The following PAQR5 variants were observed in gnomAD, a reference collection of about 807,000 sequenced individuals.
PAQR5 encodes membrane progestin receptor gamma.
In PAQR5, 20 loss-of-function variants were observed where a neutral mutation model predicts 34.5. That is an observed-to-expected ratio of 0.58 (90% confidence interval 0.41 to 0.84). The LOEUF is 0.84. Ranked by LOEUF, PAQR5 falls within the 40% of genes least tolerant of loss-of-function variation. The pLI is 0.00. For synonymous variants in PAQR5, 131 were observed against 155.6 expected (o/e 0.84, Z 1.18); for missense variants, 378 against 412.7 (o/e 0.92, Z 0.73).
intron 3 of PAQR5, among the ~76,000 whole-genome samples, chr15:69,372,826 A>G (rs2055599610): frequency 6.6e-6 from 1 of 152,260 alleles, no homozygotes; most frequent in South Asian, 2.1e-4. Flanking sequence ...GTACTTCTGG[A>G]TTTTCGGTGA....
At chr15:69,358,633 A>ATTTTCTTTTT (rs2055144289) in intron 2 of PAQR5, among the ~76,000 whole-genome samples, 2 of 84,466 alleles carry the variant, frequency 2.4e-5, no homozygotes, top group Non-Finnish European at 4.2e-5. Context: ...GCTCTGTGGC[A>ATTTTCTTTTT]TTTTTTTTTT....
chr15:69,375,406 C>T (rs1329611288), intron 3 of PAQR5, among the ~76,000 whole-genome samples: 2 of 152,142 alleles, frequency 1.3e-5, no homozygotes, highest in Non-Finnish European at 2.9e-5. Context: ...CATCTGAGGT[C>T]CTGGAGGTTA....
At chr15:69,300,154 C>A (rs1046033906) in intron 1 of PAQR5, among the ~76,000 whole-genome samples, 1 of 152,084 alleles carries the variant, frequency 6.6e-6, no homozygotes, top group South Asian at 2.1e-4. Context: ...CTCCCCACCC[C>A]CCTAGGTTCT....
rs747344604 is a variant in PAQR5 at position 69,360,124 on chromosome 15, T to C, written c.44T>C (p.Ile15Thr). 9.9e-6 allele frequency: 16 copies of C among 1,612,816 alleles called. No individual in the cohort carries two copies. Among genetic ancestry groups the C allele is most frequent in the Non-Finnish European group, 1.4e-5 (16 of 1,178,856 alleles). Reference sequence around the variant, plus strand: ...CCCAGGCTGTTTAGCATAGACCAGATACCCCAGGTATGTGCTCTATTGATT... The same window carrying C: ...CCCAGGCTGTTTAGCATAGACCAGACACCCCAGGTATGTGCTCTATTGATT... The part of the protein sequence containing the change: ...KLPRLFSIDQ[I>T]PQVFHEQGIL... The change falls in exon 3 of 9, where the codon ATA becomes ACA. Residue 15 changes from isoleucine to threonine, a missense_variant. Physicochemically the swap from Ile to Thr is moderately conservative, Grantham distance 89. Coordinates refer to ENST00000395407, the MANE Select transcript of PAQR5 (RefSeq NM_017705.4).
At chr15:69,305,135 G>A (rs1415409355) in intron 1 of PAQR5, among the ~76,000 whole-genome samples, 5 of 152,166 alleles carry the variant, frequency 3.3e-5, no homozygotes, top group Non-Finnish European at 5.9e-5. Context: ...GAGGGGGGAT[G>A]TGCTGTGCAT....
chr15:69,330,358 G>A lies in PAQR5; in HGVS notation c.-276-6983G>A, dbSNP rs148489231. 4.7e-3 allele frequency among the ~76,000 whole-genome samples: 712 copies of A among 152,298 alleles called. 13 individuals carry two copies. The highest frequency in any genetic ancestry group is 0.016 in the African/African-American group (665 of 41,560). ...GTAGTTTATGGTTTAAACAAAAATGGTAACAGCTCTTTCCCAAAGGAGACC... is the reference window on the plus strand; with the variant it reads ...GTAGTTTATGGTTTAAACAAAAATGATAACAGCTCTTTCCCAAAGGAGACC... On this transcript the variant is annotated intron_variant, in intron 1 of 8. Coordinates refer to ENST00000395407, the MANE Select transcript of PAQR5 (RefSeq NM_017705.4).
At chr15:69,387,333 C>A (rs2056140684) in intron 5 of PAQR5, among the ~76,000 whole-genome samples, 1 of 152,230 alleles carries the variant, frequency 6.6e-6, no homozygotes, top group Non-Finnish European at 1.5e-5. Flanking sequence ...GGGGCCACAC[C>A]ACACCATGTT....
intron 6 of PAQR5, chr15:69,391,763 T>C (rs1324226549): frequency 1.1e-5 from 5 of 448,738 alleles, no homozygotes; most frequent in South Asian, 7.9e-5. Context: ...TGGAAGAAAG[T>C]CTCCAGAGTG....
chr15:69,349,234 T>C (rs1228772368), intron 2 of PAQR5, among the ~76,000 whole-genome samples: 1 of 152,132 alleles, frequency 6.6e-6, no homozygotes, highest in East Asian at 1.9e-4. Flanking sequence ...AGAAATGTCC[T>C]CTCCAAGGCA....
intron 1 of PAQR5, among the ~76,000 whole-genome samples, chr15:69,305,103 T>C (rs886294596): frequency 6.6e-6 from 1 of 152,230 alleles, no homozygotes; most frequent in Non-Finnish European, 1.5e-5. Context: ...CGGATAATTC[T>C]GTGTTTGTGG....
intron 3 of PAQR5, among the ~76,000 whole-genome samples, chr15:69,376,554 G>C (rs2055712435): frequency 6.6e-6 from 1 of 152,152 alleles, no homozygotes; most frequent in Non-Finnish European, 1.5e-5. Flanking sequence ...GTCTAAGCTG[G>C]AACATCATTG....
At chr15:69,381,988 T>C (rs1363565158) in intron 4 of PAQR5, among the ~76,000 whole-genome samples, 2 of 152,154 alleles carry the variant, frequency 1.3e-5, no homozygotes, top group African/African-American at 2.4e-5. Flanking sequence ...GCGTGGATTG[T>C]AGGCCAGGCA....
chr15:69,344,090 T>G (rs1226956058), intron 2 of PAQR5, among the ~76,000 whole-genome samples: 1 of 152,184 alleles, frequency 6.6e-6, no homozygotes, highest in East Asian at 1.9e-4. Flanking sequence ...TGCCTTGGCC[T>G]CCCAAATTGC....
chr15:69,397,271 G>A (rs1175580597), intron 6 of PAQR5, 197 bp from the exon 7 acceptor site: 2 of 694,932 alleles, frequency 2.9e-6, no homozygotes, highest in Admixed American at 4.0e-5. Context: ...AGATCTTTTT[G>A]CATCTGAAGT....
chr15:69,300,720 CTTT>C, intron 1 of PAQR5, among the ~76,000 whole-genome samples: 2 of 41,718 alleles, frequency 4.8e-5, no homozygotes, highest in Non-Finnish European at 1.1e-4. Context: ...TTCTTTCTTT[CTTT>C]CTTTCTTTCT....
rs920620939 is a variant in PAQR5 at position 69,404,374 on chromosome 15, C to T, written c.*552C>T. The T allele has an allele frequency of 2.6e-5, 4 of 153,168 alleles. No individual in the cohort carries two copies. Among genetic ancestry groups the T allele is most frequent in the African/African-American group, 9.6e-5 (4 of 41,552 alleles). 9.5% of individuals were successfully genotyped at this position (153,168 alleles called of 1,614,324 possible). A position where few individuals can be genotyped will look rare whatever the true frequency, so the allele number is the denominator to read the frequency against. ...CTGGGGAGAGCCCTTCTTCCCTTCT[C>T]CACCTAGTGAAGGGAGAACAGAAGG... is the stretch of plus-strand genomic sequence containing the variant. On this transcript the variant is annotated 3_prime_UTR_variant, in exon 9 of 9. Transcript: ENST00000395407.
chr15:69,402,490 G>A (rs2056664451), intron 8 of PAQR5, among the ~76,000 whole-genome samples: 1 of 151,988 alleles, frequency 6.6e-6, no homozygotes, highest in African/African-American at 2.4e-5. Context: ...GCTAATTTTT[G>A]TATTTTTAGT....
At chr15:69,319,121 G>A (rs1432329156) in intron 1 of PAQR5, among the ~76,000 whole-genome samples, 3 of 147,778 alleles carry the variant, frequency 2.0e-5, no homozygotes, top group South Asian at 2.1e-4. Flanking sequence ...GCGACAGAGC[G>A]AGACTCCATT....
chr15:69,357,414 C>G (rs962063185), intron 2 of PAQR5, among the ~76,000 whole-genome samples: 8 of 152,096 alleles, frequency 5.3e-5, no homozygotes, highest in Admixed American at 5.2e-4. Flanking sequence ...CAGTTGTGCA[C>G]CACCATGCCT....
Sources: allele counts gnomAD v4.1 joint callset (sites outside exome capture counted in the v4.1 genomes callset), GRCh38; gene constraint gnomAD v4.1.1; transcripts MANE v1.5; gene names NCBI Gene and HGNC (gene_info 2026-07-23, HGNC 2026-07-21).